The following PLPPR1 variants were observed in gnomAD, a reference collection of about 807,000 sequenced individuals.
PLPPR1 encodes phospholipid phosphatase-related protein type 1.
PLPPR1 carries 10 observed loss-of-function variants against 33.1 expected under a neutral mutation model. That is an observed-to-expected ratio of 0.30 (90% confidence interval 0.19 to 0.51). PLPPR1 has a LOEUF of 0.51. PLPPR1 is among the 20% of genes least tolerant of loss of function. The probability of loss-of-function intolerance (pLI) is 0.97; values close to 1 mark genes in which losing one functional copy is unlikely to be tolerated. For synonymous variants in PLPPR1, 151 were observed against 151.0 expected, an observed-to-expected ratio of 1.00 and a Z score of 0.00; for missense variants, 304 against 408.1, an observed-to-expected ratio of 0.74 and a Z score of 2.20.
intron 1 of PLPPR1, among the ~76,000 whole-genome samples, chr9:101,097,733 A>G (rs10819902): frequency 6.6e-6 from 1 of 151,936 alleles, no homozygotes; most frequent in South Asian, 2.1e-4. Context: ...AATGGAATCC[A>G]CCCAGAGGAG....
At chr9:101,123,188 C>A (rs192452889) in intron 1 of PLPPR1, among the ~76,000 whole-genome samples, 10 of 151,280 alleles carry the variant, frequency 6.6e-5, no homozygotes, top group Admixed American at 2.0e-4. Context: ...TCTGAAAGTC[C>A]TCCCAAATTA....
At chr9:101,173,963 C>T (rs971273059) in intron 1 of PLPPR1, among the ~76,000 whole-genome samples, 1 of 152,164 alleles carries the variant, frequency 6.6e-6, no homozygotes, top group South Asian at 2.1e-4. Context: ...AATGTTCCAG[C>T]CTAGGCAACA....
chr9:101,218,730 A>G (rs1408079916), intron 2 of PLPPR1, among the ~76,000 whole-genome samples: 1 of 152,222 alleles, frequency 6.6e-6, no homozygotes, highest in Non-Finnish European at 1.5e-5. Context: ...GAAACTTCTA[A>G]CAGCTGTCTT....
intron 1 of PLPPR1, among the ~76,000 whole-genome samples, chr9:101,092,998 T>A (rs1830766486): frequency 6.6e-6 from 1 of 152,168 alleles, no homozygotes; most frequent in Admixed American, 6.5e-5. Flanking sequence ...CTAATAGCAC[T>A]GTGGTCTAGG....
At chr9:101,035,912 T>C (rs921012195) in intron 1 of PLPPR1, among the ~76,000 whole-genome samples, 1 of 152,136 alleles carries the variant, frequency 6.6e-6, no homozygotes, top group Non-Finnish European at 1.5e-5. Context: ...TGTAGTTAAG[T>C]GATATCAGAA....
chr9:101,261,922 T>A (rs1365019726), intron 2 of PLPPR1, among the ~76,000 whole-genome samples: 1 of 151,792 alleles, frequency 6.6e-6, no homozygotes, highest in Non-Finnish European at 1.5e-5. Flanking sequence ...CAAACCCCCA[T>A]GACACACATT....
intron 2 of PLPPR1, among the ~76,000 whole-genome samples, chr9:101,267,531 T>A (rs1433330371): frequency 6.6e-6 from 1 of 151,842 alleles, no homozygotes; most frequent in African/African-American, 2.4e-5. Flanking sequence ...GAGATCCACA[T>A]CTCTGGGAGC....
intron 4 of PLPPR1, among the ~76,000 whole-genome samples, chr9:101,289,050 G>T (rs751514841): frequency 2.4e-4 from 36 of 152,076 alleles, no homozygotes; most frequent in Non-Finnish European, 4.9e-4. Context: ...GCCTCATCCC[G>T]AGCCACTCCC....
chr9:101,304,383 G>C (rs192383646), intron 4 of PLPPR1, among the ~76,000 whole-genome samples: 23 of 152,302 alleles, frequency 1.5e-4, no homozygotes, highest in African/African-American at 5.3e-4. Flanking sequence ...TCTGTTAAAT[G>C]TTTACTATGT....
intron 1 of PLPPR1, among the ~76,000 whole-genome samples, chr9:101,061,156 A>C (rs2118466312): frequency 6.6e-6 from 1 of 151,980 alleles, no homozygotes; most frequent in South Asian, 2.1e-4. Context: ...TCTTTACAAA[A>C]GCAGCATTAC....
intron 2 of PLPPR1, among the ~76,000 whole-genome samples, chr9:101,227,363 G>A (rs1012777378): frequency 2.0e-5 from 3 of 152,176 alleles, no homozygotes; most frequent in Admixed American, 6.5e-5. Context: ...ACATGAGATA[G>A]TATCTCATTG....
intron 1 of PLPPR1, among the ~76,000 whole-genome samples, chr9:101,052,305 C>G (rs958448602): frequency 6.6e-6 from 1 of 152,114 alleles, no homozygotes; most frequent in African/African-American, 2.4e-5. Context: ...GATTTGTCCC[C>G]TTGGGGAACT....
chr9:101,232,216 A>C (rs1262399033), intron 2 of PLPPR1, among the ~76,000 whole-genome samples: 1 of 152,028 alleles, frequency 6.6e-6, no homozygotes, highest in East Asian at 1.9e-4. Context: ...ACAACTGATT[A>C]TCCAAAAGCA....
intron 1 of PLPPR1, among the ~76,000 whole-genome samples, chr9:101,142,148 T>C (rs2567304): frequency 0.48 from 72,294 of 152,066 alleles, 17,753 homozygotes; most frequent in Non-Finnish European, 0.54. Flanking sequence ...TTATCTTACA[T>C]GTAAGTGAAA....
intron 2 of PLPPR1, among the ~76,000 whole-genome samples, chr9:101,199,107 A>C (rs1395034906): frequency 6.6e-6 from 1 of 152,208 alleles, no homozygotes; most frequent in African/African-American, 2.4e-5. Flanking sequence ...AGACTGCAGA[A>C]TATCTTTCTC....
intron 1 of PLPPR1, among the ~76,000 whole-genome samples, chr9:101,047,599 C>A (rs935522135): frequency 6.6e-6 from 1 of 152,140 alleles, no homozygotes; most frequent in Non-Finnish European, 1.5e-5. Flanking sequence ...ACAATGGTAT[C>A]ATTTCAATTT....
intron 1 of PLPPR1, among the ~76,000 whole-genome samples, chr9:101,134,782 C>T (rs1456966585): frequency 6.6e-6 from 1 of 152,074 alleles, no homozygotes; most frequent in Non-Finnish European, 1.5e-5. Flanking sequence ...ACTTCTAGTC[C>T]AACAGAACAG....
intron 4 of PLPPR1, among the ~76,000 whole-genome samples, chr9:101,289,372 G>A (rs546516482): frequency 7.2e-5 from 11 of 152,232 alleles, no homozygotes; most frequent in South Asian, 2.1e-4. Context: ...ATTTATGATC[G>A]CTTGGAGAAC....
At chr9:101,183,492 G>A (rs1826152924) in intron 1 of PLPPR1, among the ~76,000 whole-genome samples, 1 of 151,734 alleles carries the variant, frequency 6.6e-6, no homozygotes, top group African/African-American at 2.4e-5. Flanking sequence ...CTGGCTTTGG[G>A]ATATGGTGAA....
Sources: allele counts gnomAD v4.1 joint callset (sites outside exome capture counted in the v4.1 genomes callset), GRCh38; gene constraint gnomAD v4.1.1; transcripts MANE v1.5; gene names NCBI Gene and HGNC (gene_info 2026-07-23, HGNC 2026-07-21).